Variants in HSPB7 observed in about 807,000 individuals in gnomAD.
The protein encoded by HSPB7 is heat shock protein family B (small) member 7, also known as heat shock protein beta-7.
HSPB7 carries 9 observed loss-of-function variants against 11.0 expected under a neutral mutation model. The observed-to-expected ratio is 0.82, with a 90% CI of 0.49 to 1.43. HSPB7 has a LOEUF of 1.43. Among genes scored for constraint, HSPB7 ranks in the 40% most tolerant of loss-of-function variants. HSPB7 has a pLI of 0.00. For synonymous variants in HSPB7, 102 were observed against 101.6 expected, an observed-to-expected ratio of 1.00 and a Z score of -0.02; for missense variants, 246 against 243.9, an observed-to-expected ratio of 1.01 and a Z score of -0.06.
intron 2 of HSPB7, 77 bp downstream of exon 2, chr1:16,016,997 G>T: frequency 1.4e-6 from 2 of 1,456,052 alleles, no homozygotes; most frequent in Non-Finnish European, 9.5e-7. Context: ...GGGGTCCCAG[G>T]ATGGTAAGGG....
Position 16,017,111 on chromosome 1 carries a change from G to A in HSPB7, c.296C>T (p.Thr99Ile). 4 of 1,612,674 alleles carry A rather than the reference G, an allele frequency of 2.5e-6. No homozygotes were observed. Among genetic ancestry groups the A allele is most frequent in the Non-Finnish European group, 3.4e-6 (4 of 1,178,846 alleles). The part of the protein sequence containing the change: ...RDFSPEDIIV[T>I]TSNNHIEVRA... ...CACCTCGATGTGGTTGTTGGAGGTGGTGACAATGATGTCTTCAGGTGAGAA... is the reference window on the plus strand; with the variant it reads ...CACCTCGATGTGGTTGTTGGAGGTGATGACAATGATGTCTTCAGGTGAGAA... The change falls in exon 2 of 3, where the codon ACC (threonine) becomes ATC (isoleucine). Residue 99 changes from threonine to isoleucine, a missense_variant. Thr to Ile is a moderately conservative substitution (Grantham distance 89, BLOSUM62 -1). Transcript: ENST00000311890.
At chr1:16,017,520 A>G in intron 1 of HSPB7, 1 of 589,186 alleles carries the variant, frequency 1.7e-6, no homozygotes, top group Non-Finnish European at 3.0e-6. Flanking sequence ...GGCTGTGGTT[A>G]CAGAGCATGG....
At chr1:16,018,536 T>C, upstream of HSPB7, 1 of 1,078,232 alleles carries the variant, frequency 9.3e-7, no homozygotes, top group Middle Eastern at 4.4e-4. Context: ...TCACAGCCCA[T>C]CTCTAAGGAA....
At chr1:16,017,272 G>A in intron 1 of HSPB7, 65 bp from the exon 2 acceptor site, 1 of 1,578,150 alleles carries the variant, frequency 6.3e-7, no homozygotes. Flanking sequence ...GGGGGTTCTG[G>A]CTCCTTCTCT....
At chr1:16,019,552 C>T, upstream of HSPB7, 1 of 1,391,778 alleles carries the variant, frequency 7.2e-7, no homozygotes, top group East Asian at 2.5e-5. Context: ...TCCTGGAGAG[C>T]TCCTTCTACA....
chr1:16,018,297 ACT>A (rs896030621), upstream of HSPB7: 1 of 1,316,336 alleles, frequency 7.6e-7, no homozygotes, highest in African/African-American at 1.5e-5. Context: ...TCTCCTTGCC[ACT>A]CGGACCTCGG....
intron 2 of HSPB7, among the ~76,000 whole-genome samples, chr1:16,016,828 C>T (rs1027275890): frequency 3.3e-5 from 5 of 152,206 alleles, no homozygotes; most frequent in African/African-American, 1.2e-4. Flanking sequence ...TCCCATTCCT[C>T]GGAGGCTCCC....
chr1:16,015,489 C>T lies in HSPB7; in HGVS notation c.*91G>A. ...GGGTGCGTGGGGGCTAGAACCTGGG[C>T]TGAGATGTCCTGGAGCTGTTGTAAT... On this transcript the variant is annotated 3_prime_UTR_variant, in exon 3 of 3. Coordinates refer to ENST00000311890, the MANE Select transcript of HSPB7 (RefSeq NM_014424.5). The surrounding 1 kb of genome is among the most constrained non-coding windows in gnomAD (Gnocchi z 4.9). 1 of 1,298,936 alleles carries T rather than the reference C, an allele frequency of 7.7e-7. No individual in the cohort carries two copies. Among genetic ancestry groups the T allele is most frequent in the Non-Finnish European group, 1.1e-6 (1 of 917,180 alleles). The allele number at this position is 1,298,936 out of a possible 1,614,324, so 80.5% of individuals were successfully genotyped here.
intron 2 of HSPB7, among the ~76,000 whole-genome samples, chr1:16,016,423 C>G (rs78628480): frequency 0.011 from 1,612 of 152,332 alleles, 35 homozygotes; most frequent in African/African-American, 0.037. Flanking sequence ...CCTGGCCATA[C>G]CCTCTCCAGG....
At chr1:16,016,378 G>A (rs1018960491) in intron 2 of HSPB7, among the ~76,000 whole-genome samples, 5 of 152,220 alleles carry the variant, frequency 3.3e-5, no homozygotes, top group East Asian at 1.9e-4. Flanking sequence ...TCTCCTGGCA[G>A]CCGTGGCTGT....
rs780759481 is a variant in HSPB7, at chr1:16,017,119, G to A, written c.288C>T (p.Ile96=). 1 of 1,613,094 alleles carries A rather than the reference G, an allele frequency of 6.2e-7. No homozygotes were observed. Among genetic ancestry groups the A allele is most frequent in the Non-Finnish European group, 8.5e-7 (1 of 1,179,180 alleles). The change falls in exon 2 of 3, where the codon ATC becomes ATT. Residue 96 remains isoleucine, a synonymous_variant. Transcript: ENST00000311890. ...VDVRDFSPED[I]IVTTSNNHIE... ...TGTGGTTGTTGGAGGTGGTGACAAT[G>A]ATGTCTTCAGGTGAGAAGTCTCTCA...
At position 16,017,402 on chromosome 1, in the gene HSPB7, G is replaced by T. The variant is rs867325449; in HGVS notation, c.200-195C>A. 42 of 673,438 alleles carry T rather than the reference G, an allele frequency of 6.2e-5. No homozygotes were observed. In the African/African-American group the frequency reaches 6.3e-4, roughly 10 times the overall value. The allele number at this position is 673,438 out of a possible 1,614,324, so 41.7% of individuals were successfully genotyped here. The stretch of plus-strand genomic sequence containing the variant: ...GGGGTGGGGCCTCACCCAGCACAGT[G>T]TGTGTGTATATGAGGCTAGGTCTGT... On this transcript the variant is annotated intron_variant, in intron 1 of 2. Coordinates refer to ENST00000311890, the MANE Select transcript of HSPB7 (RefSeq NM_014424.5).
Position 16,015,641 on chromosome 1 carries a change from G to A in HSPB7, c.452C>T (p.Ala151Val). 6.2e-7 allele frequency: 1 copy of A among 1,613,988 alleles called. No individual in the cohort carries two copies. Residue 151 changes from alanine to valine, a missense_variant, in exon 3 of 3, where the codon GCA (alanine) becomes GTA (valine). Coordinates refer to ENST00000311890, the MANE Select transcript of HSPB7 (RefSeq NM_014424.5). The surrounding 1 kb of genome is among the most constrained non-coding windows in gnomAD (Gnocchi z 4.9). Reference protein sequence around the residue: ...LREDGSLTIRARRHPHTEHVQ... With the variant: ...LREDGSLTIRVRRHPHTEHVQ... Reference sequence around the variant, plus strand: ...GTGTTCTGTATGCGGGTGACGCCGTGCCCGGATAGTGAGGCTGCCGTCCTC... The same window carrying A: ...GTGTTCTGTATGCGGGTGACGCCGTACCCGGATAGTGAGGCTGCCGTCCTC...
rs182107635 is a variant in HSPB7 at position 16,015,163 on chromosome 1, C to T, written c.*417G>A. The T allele has an allele frequency of 1.8e-5, 3 of 164,224 alleles. No homozygotes were observed. The South Asian group carries it at 4.8e-4, about 27-fold the overall frequency. The allele number at this position is 164,224 out of a possible 1,614,324, so 10.2% of individuals were successfully genotyped here. ...TGACCTTCCCTCTGTCCCTCCCACTCCCCTTGGCCAAGAGGGTTCCAGGTC... is the reference window on the plus strand; with the variant it reads ...TGACCTTCCCTCTGTCCCTCCCACTTCCCTTGGCCAAGAGGGTTCCAGGTC... On this transcript the variant is annotated 3_prime_UTR_variant, in exon 3 of 3. Coordinates refer to ENST00000311890, the MANE Select transcript of HSPB7 (RefSeq NM_014424.5). The surrounding 1 kb of genome is among the most constrained non-coding windows in gnomAD (Gnocchi z 4.9).
upstream of HSPB7, chr1:16,018,847 G>A: frequency 1.6e-6 from 2 of 1,280,498 alleles, no homozygotes; most frequent in Non-Finnish European, 2.0e-6. Flanking sequence ...TCTGGGCATG[G>A]GCTCCTGGCT....
upstream of HSPB7, chr1:16,019,508 G>A (rs905791534): frequency 6.7e-7 from 1 of 1,495,028 alleles, no homozygotes; most frequent in Non-Finnish European, 8.9e-7. Flanking sequence ...TTTCTCTTTT[G>A]TCTGAGCCCC....
upstream of HSPB7, chr1:16,019,157 C>A: frequency 6.5e-7 from 1 of 1,550,288 alleles, no homozygotes; most frequent in Non-Finnish European, 8.7e-7. Context: ...AGGGTGGAGG[C>A]CATTCTGAGA....
At chr1:16,018,939 G>T, upstream of HSPB7, 1 of 1,111,620 alleles carries the variant, frequency 9.0e-7, no homozygotes, top group Non-Finnish European at 1.2e-6. Flanking sequence ...GGACGGGGAA[G>T]CGAAGCCTCT....
upstream of HSPB7, chr1:16,018,164 C>G (rs558475724): frequency 1.6e-5 from 25 of 1,536,748 alleles, no homozygotes; most frequent in East Asian, 2.5e-5. Flanking sequence ...AATCTTCTCC[C>G]GTGCGCCGGC....
Sources: allele counts gnomAD v4.1 joint callset (sites outside exome capture counted in the v4.1 genomes callset), GRCh38; gene constraint gnomAD v4.1.1; non-coding constraint Gnocchi (gnomAD v3.1); transcripts MANE v1.5; gene names NCBI Gene and HGNC (gene_info 2026-07-23, HGNC 2026-07-21).